COA1: variants seen among roughly 807,000 people sequenced by gnomAD.
COA1 encodes the protein cytochrome c oxidase assembly factor 1 homolog.
A neutral mutation model predicts 16.0 loss-of-function variants in COA1; 13 were observed. The ratio of observed to expected loss-of-function variants is 0.81; its 90% CI spans 0.53 to 1.29. The LOEUF (loss-of-function observed/expected upper bound fraction) is 1.29, where lower values mean the gene tolerates loss of function less well. Ranked by LOEUF, COA1 falls within the 50% of genes most tolerant of loss-of-function variation. The pLI, the probability that COA1 is intolerant of heterozygous loss-of-function variation, is 0.00. For missense variants in COA1, 179 were observed against 177.0 expected (o/e 1.01, Z -0.06); for synonymous variants, 65 against 65.7 (o/e 0.99, Z 0.05).
intron 6 of COA1, among the ~76,000 whole-genome samples, chr7:43,618,957 A>C (rs1034043284): frequency 3.9e-5 from 6 of 152,222 alleles, no homozygotes; most frequent in Non-Finnish European, 5.9e-5. Context: ...ATCCTGAACA[A>C]CACAAATATT....
chr7:43,656,112 A>C (rs550213253), intron 1 of COA1: 2 of 152,348 alleles, frequency 1.3e-5, no homozygotes, highest in African/African-American at 4.8e-5. Flanking sequence ...TACCAGCAGA[A>C]CATCCATGGG....
intron 1 of COA1, among the ~76,000 whole-genome samples, chr7:43,659,631 G>T (rs1554517167): frequency 6.6e-6 from 1 of 152,012 alleles, no homozygotes; most frequent in Non-Finnish European, 1.5e-5. Context: ...AAACAATTTG[G>T]TATCAGTGAC....
At chr7:43,623,481 A>G in intron 6 of COA1, 1 of 1,062,438 alleles carries the variant, frequency 9.4e-7, no homozygotes, top group Non-Finnish European at 1.4e-6. Context: ...ATAGTGCCTT[A>G]TAGTTTCTAA....
rs563644269 is a variant in COA1, at chr7:43,692,548, A to T, written c.-39+36881T>A. On this transcript the variant is annotated intron_variant, in intron 1 of 5. Coordinates refer to ENST00000223336, the MANE Select transcript of COA1 (RefSeq NM_018224.4). The stretch of plus-strand genomic sequence containing the variant: ...ACAAAACAACAACAACAACAAAAAA[A>T]AAACCACCTTCCCCAGCAGAAAGGA... Among the ~76,000 whole-genome samples the T allele has an allele frequency of 1.6e-4, 25 of 152,094 alleles. No individual in the cohort carries two copies. In the South Asian group the frequency reaches 5.0e-3, roughly 30 times the overall value.
downstream of COA1, among the ~76,000 whole-genome samples, chr7:43,638,048 A>G (rs1326153200): frequency 1.3e-5 from 2 of 152,188 alleles, no homozygotes; most frequent in Non-Finnish European, 2.9e-5. Flanking sequence ...ATTTTAAAAG[A>G]CTGTAGAGAT....
chr7:43,718,973 ATTT>A (rs57530020), intron 1 of COA1, among the ~76,000 whole-genome samples: 18 of 134,752 alleles, frequency 1.3e-4, no homozygotes, highest in Admixed American at 2.3e-4. Flanking sequence ...AGGAATCTAC[ATTT>A]TTTTTTTTTT....
At chr7:43,628,594 T>C (rs911246395) in intron 6 of COA1, among the ~76,000 whole-genome samples, 14 of 152,232 alleles carry the variant, frequency 9.2e-5, no homozygotes, top group Non-Finnish European at 1.8e-4. Flanking sequence ...GGTTGTTTTT[T>C]ACATCCTTGC....
At chr7:43,659,822 T>C (rs2092247775) in intron 1 of COA1, among the ~76,000 whole-genome samples, 1 of 152,182 alleles carries the variant, frequency 6.6e-6, no homozygotes, top group Admixed American at 6.5e-5. Context: ...AAAATTCATA[T>C]GTTGAAGCCC....
chr7:43,688,788 A>G (rs1342693706), intron 1 of COA1, among the ~76,000 whole-genome samples: 2 of 152,230 alleles, frequency 1.3e-5, no homozygotes, highest in Non-Finnish European at 2.9e-5. Flanking sequence ...TGTACATAAT[A>G]GCCAGTAGGA....
At chr7:43,713,144 G>A (rs2095302134) in intron 1 of COA1, among the ~76,000 whole-genome samples, 1 of 152,028 alleles carries the variant, frequency 6.6e-6, no homozygotes. Flanking sequence ...TGGAAATGGG[G>A]TTTTGCCATG....
intron 1 of COA1, among the ~76,000 whole-genome samples, chr7:43,691,064 A>C (rs1453335311): frequency 2.2e-5 from 3 of 133,618 alleles, no homozygotes; most frequent in African/African-American, 9.1e-5. Context: ...CAAAAAAAAA[A>C]AAAAAAAAAA....
At chr7:43,697,875 C>T (rs890063487) in intron 1 of COA1, among the ~76,000 whole-genome samples, 5 of 152,122 alleles carry the variant, frequency 3.3e-5, no homozygotes, top group African/African-American at 1.2e-4. Context: ...GCAGACACAC[C>T]ACAGCAAAAG....
intron 1 of COA1, among the ~76,000 whole-genome samples, chr7:43,726,274 G>A (rs1377023679): frequency 6.6e-6 from 1 of 152,130 alleles, no homozygotes; most frequent in Non-Finnish European, 1.5e-5. Flanking sequence ...AACACTCTTA[G>A]GCTAAATATA....
At chr7:43,689,545 C>A (rs2094182792) in intron 1 of COA1, among the ~76,000 whole-genome samples, 1 of 152,040 alleles carries the variant, frequency 6.6e-6, no homozygotes, top group Non-Finnish European at 1.5e-5. Flanking sequence ...AAAATGAAGG[C>A]AAAATAAATA....
intron 1 of COA1, among the ~76,000 whole-genome samples, chr7:43,661,284 C>T (rs10266812): frequency 0.15 from 22,352 of 152,168 alleles, 2,190 homozygotes; most frequent in Non-Finnish European, 0.21. Flanking sequence ...TTTGTGGCAT[C>T]AATCTAACAG....
intron 1 of COA1, among the ~76,000 whole-genome samples, chr7:43,663,161 GCTCT>G (rs540055404): frequency 1.3e-3 from 191 of 152,240 alleles, no homozygotes; most frequent in African/African-American, 4.5e-3. Flanking sequence ...ACCTCCTCCA[GCTCT>G]CTCTCGCTCC....
chr7:43,672,424 G>A (rs1018128748), intron 1 of COA1, among the ~76,000 whole-genome samples: 1 of 152,074 alleles, frequency 6.6e-6, no homozygotes, highest in African/African-American at 2.4e-5. Flanking sequence ...AAAACCACAT[G>A]ATCATCCCCA....
At chr7:43,617,167 C>A (rs1161773494) in intron 6 of COA1, among the ~76,000 whole-genome samples, 1 of 152,064 alleles carries the variant, frequency 6.6e-6, no homozygotes, top group East Asian at 1.9e-4. Context: ...TATGATGAGT[C>A]TGGAGAGCTA....
At chr7:43,722,525 T>C (rs2095529434) in intron 1 of COA1, among the ~76,000 whole-genome samples, 1 of 152,160 alleles carries the variant, frequency 6.6e-6, no homozygotes, top group Non-Finnish European at 1.5e-5. Flanking sequence ...TCGTACCAGC[T>C]GCGAGTAGCT....
Sources: allele counts gnomAD v4.1 joint callset (sites outside exome capture counted in the v4.1 genomes callset), GRCh38; gene constraint gnomAD v4.1.1; transcripts MANE v1.5; gene names NCBI Gene and HGNC (gene_info 2026-07-23, HGNC 2026-07-21).